MCM3AP: variants seen among roughly 807,000 people sequenced by gnomAD.
The protein encoded by MCM3AP is germinal-center associated nuclear protein.
Under a neutral mutation model 184.1 loss-of-function variants are expected in MCM3AP, and 126 were observed. That is an observed-to-expected ratio of 0.68 (90% CI 0.59 to 0.79). The LOEUF is 0.79. MCM3AP is among the 30% of genes least tolerant of loss of function. MCM3AP has a pLI of 0.00. For synonymous variants in MCM3AP, 1,002 were observed against 979.3 expected, an observed-to-expected ratio of 1.02 and a Z score of -0.43; for missense variants, 2,496 against 2,479.2, an observed-to-expected ratio of 1.01 and a Z score of -0.14.
chr21:46,281,758 T>C (rs531136257), intron 2 of MCM3AP, among the ~76,000 whole-genome samples: 1 of 152,064 alleles, frequency 6.6e-6, no homozygotes, highest in South Asian at 2.1e-4. Flanking sequence ...CCCAGCACTT[T>C]GGGAGGCCAA....
At chr21:46,248,121 T>C (rs530045097) in intron 20 of MCM3AP, among the ~76,000 whole-genome samples, 4 of 152,166 alleles carry the variant, frequency 2.6e-5, no homozygotes, top group South Asian at 2.1e-4. Context: ...AGGAGTCAGG[T>C]TGACTGAGCC....
At chr21:46,281,692 A>G (rs2145719782) in intron 2 of MCM3AP, among the ~76,000 whole-genome samples, 1 of 152,080 alleles carries the variant, frequency 6.6e-6, no homozygotes, top group Admixed American at 6.6e-5. Flanking sequence ...CAATAAAATA[A>G]ATAGTAGTAA....
chr21:46,285,309 G>A lies in MCM3AP; in HGVS notation c.-23C>T, dbSNP rs917226288. On this transcript the variant is annotated 5_prime_UTR_variant, in exon 1 of 28. Coordinates refer to ENST00000291688, the MANE Select transcript of MCM3AP (RefSeq NM_003906.5). Reference sequence around the variant, plus strand: ...CATCTTCTGCTCCAATTATTAGAAGGTAATTAAGTATTATGTGTACAAAAT... The same window carrying A: ...CATCTTCTGCTCCAATTATTAGAAGATAATTAAGTATTATGTGTACAAAAT... 4 of 1,532,178 alleles carry A rather than the reference G, an allele frequency of 2.6e-6. No individual in the cohort carries two copies. In the African/African-American group the frequency reaches 4.1e-5, roughly 16 times the overall value. 94.9% of individuals were successfully genotyped at this position (1,532,178 alleles called of 1,614,324 possible). A position where few individuals can be genotyped will look rare whatever the true frequency, so the allele number is the denominator to read the frequency against.
chr21:46,242,999 A>AAAC, intron 24 of MCM3AP, 68 bp from the exon 25 acceptor site: 2 of 1,206,448 alleles, frequency 1.7e-6, no homozygotes, highest in Non-Finnish European at 2.3e-6. Context: ...AAAAAAAAAA[A>AAAC]CACACACAAA....
Position 46,245,124 on chromosome 21 carries a change from T to C in MCM3AP, c.4721A>G (p.Gln1574Arg). Residue 1574 changes from glutamine to arginine, a missense_variant, in exon 23 of 28, where the codon CAG (glutamine) becomes CGG (arginine). Transcript: ENST00000291688. ...ATGGCCAATCCCGTCTTCGACGTAC[T>C]GAATGAGAGTCTGGCAGCAGAGGTC... is the stretch of plus-strand genomic sequence containing the variant. ...SLDLCCQTLI[Q>R]YVEDGIGHEF... The C allele has an allele frequency of 6.2e-7, 1 of 1,614,214 alleles. No homozygotes were observed. The highest frequency in any genetic ancestry group is 8.5e-7 in the Non-Finnish European group (1 of 1,180,038).
chr21:46,264,306 C>T (rs1210589245), intron 12 of MCM3AP, 89 bp from the exon 13 acceptor site: 13 of 781,872 alleles, frequency 1.7e-5, no homozygotes, highest in Admixed American at 2.3e-5. Flanking sequence ...AGTCTGCAGG[C>T]GTCTCGTGAC....
At chr21:46,270,778 T>C (rs1290651903) in intron 8 of MCM3AP, among the ~76,000 whole-genome samples, 1 of 152,174 alleles carries the variant, frequency 6.6e-6, no homozygotes, top group Admixed American at 6.6e-5. Context: ...TACTCCAGCC[T>C]GGGTGACAGA....
At chr21:46,274,458 G>A (rs374379881) in intron 6 of MCM3AP, among the ~76,000 whole-genome samples, 74 of 152,246 alleles carry the variant, frequency 4.9e-4, no homozygotes, top group African/African-American at 1.6e-3. Context: ...AAAATGCAGA[G>A]TTTTGACAGA....
intron 23 of MCM3AP, 36 bp from the exon 24 acceptor site, chr21:46,243,758 C>T (rs1306524015): frequency 1.9e-6 from 3 of 1,604,018 alleles, no homozygotes; most frequent in Non-Finnish European, 2.6e-6. Context: ...ACAGGTTTGG[C>T]CAAAATACAG....
rs759063510 is a variant in MCM3AP, at chr21:46,285,126, T to C, written c.161A>G (p.Gln54Arg). The C allele has an allele frequency of 2.5e-6, 4 of 1,614,192 alleles. No individual in the cohort carries two copies. The South Asian group carries it at 3.3e-5, about 13-fold the overall frequency. Residue 54 changes from glutamine to arginine, a missense_variant, in exon 1 of 28, where the codon CAG becomes CGG. Gln to Arg is a conservative substitution (Grantham distance 43, BLOSUM62 1). Transcript: ENST00000291688. ...TLSGKSSGFSQVSSFPASSGV... is the reference protein window; with the variant it reads ...TLSGKSSGFSRVSSFPASSGV... ...AGAAGACGCTGGAAAGCTGGATACCTGTGAAAATCCCGAGCTCTTCCCAGA... is the reference window on the plus strand; with the variant it reads ...AGAAGACGCTGGAAAGCTGGATACCCGTGAAAATCCCGAGCTCTTCCCAGA...
chr21:46,261,254 C>G (rs376574772), intron 14 of MCM3AP, 26 bp downstream of exon 14: 1 of 1,612,588 alleles, frequency 6.2e-7, no homozygotes, highest in Non-Finnish European at 8.5e-7. Flanking sequence ...GCTCCTTATT[C>G]GGCTGCATGG....
At chr21:46,277,317 A>ATATATGTATATGTATACAAATATGT (rs1174320067) in intron 5 of MCM3AP, among the ~76,000 whole-genome samples, 43 of 152,196 alleles carry the variant, frequency 2.8e-4, no homozygotes. Context: ...TTATACATAC[A>ATATATGTATATGTATACAAATATGT]TTAGCAAACA....
intron 26 of MCM3AP, 152 bp from the exon 27 acceptor site, chr21:46,237,131 T>A: frequency 3.4e-6 from 1 of 297,180 alleles, no homozygotes; most frequent in Non-Finnish European, 5.8e-6. Flanking sequence ...AGACAGAGTC[T>A]CACTCTGTTG....
chr21:46,246,864 T>C lies in MCM3AP; in HGVS notation c.4313A>G (p.Asp1438Gly). Residue 1438 changes from aspartate (D) to glycine (G), a missense_variant, in exon 21 of 28, where the codon GAT becomes GGT. Physicochemically the swap from Asp to Gly is moderately conservative, Grantham distance 94. Around this residue, in one of 5 missense-constraint regions of MCM3AP, gnomAD observed 1,323 missense variants for 1,273.4 expected, o/e 1.04. Transcript: ENST00000291688. ...TGTCTCCACAGCATCAATGGCACCA[T>C]CACTGAGGGCGCCATGGGCCACCTG... Reference protein sequence around the residue: ...CIKVAHGALSDGAIDAVETQK... With the variant: ...CIKVAHGALSGGAIDAVETQK... 1.2e-6 allele frequency: 2 copies of C among 1,613,990 alleles called. No individual in the cohort carries two copies. The highest frequency in any genetic ancestry group is 1.7e-5 in the Admixed American group (1 of 60,020).
Position 46,248,773 on chromosome 21 carries a change from T to C in MCM3AP, c.4291-1887A>G, listed in dbSNP as rs576906867. Reference sequence around the variant, plus strand: ...AGAAAGAGGAAATAAGTAATATATATGGAATAAAAAATTCAGTAGGACAAT... The same window carrying C: ...AGAAAGAGGAAATAAGTAATATATACGGAATAAAAAATTCAGTAGGACAAT... On this transcript the variant is annotated intron_variant, in intron 20 of 27. Coordinates refer to ENST00000291688, the MANE Select transcript of MCM3AP (RefSeq NM_003906.5). Among the ~76,000 whole-genome samples the C allele has an allele frequency of 2.0e-5, 3 of 152,128 alleles. No individual in the cohort carries two copies. The South Asian group carries it at 6.2e-4, about 32-fold the overall frequency.
At chr21:46,273,774 A>G (rs1173157170) in intron 6 of MCM3AP, among the ~76,000 whole-genome samples, 189 bp from the exon 7 acceptor site, 1 of 152,240 alleles carries the variant, frequency 6.6e-6, no homozygotes, top group Non-Finnish European at 1.5e-5. Context: ...GAGAAATTTG[A>G]TTTTGGCAAA....
intron 24 of MCM3AP, among the ~76,000 whole-genome samples, chr21:46,243,232 C>CT (rs1008529462): frequency 8.5e-5 from 13 of 152,300 alleles, no homozygotes; most frequent in African/African-American, 2.9e-4. Flanking sequence ...AAAATCCTCT[C>CT]TAAGAGCCAT....
At chr21:46,239,286 C>T (rs1198632651) in intron 26 of MCM3AP, among the ~76,000 whole-genome samples, 1 of 152,204 alleles carries the variant, frequency 6.6e-6, no homozygotes, top group Non-Finnish European at 1.5e-5. Context: ...AGTGACACGA[C>T]CTCCATCTTA....
intron 1 of MCM3AP, 85 bp from the exon 2 acceptor site, chr21:46,283,923 T>A: frequency 6.4e-7 from 1 of 1,552,044 alleles, no homozygotes; most frequent in Non-Finnish European, 8.7e-7. Flanking sequence ...GAGGAAATTT[T>A]CAGATGTAAG....
Sources: allele counts gnomAD v4.1 joint callset (sites outside exome capture counted in the v4.1 genomes callset), GRCh38; gene constraint gnomAD v4.1.1; regional missense constraint gnomAD v4.1.1; transcripts MANE v1.5; gene names NCBI Gene and HGNC (gene_info 2026-07-23, HGNC 2026-07-21).